The following MBOAT7 variants were observed in gnomAD, a reference collection of about 807,000 sequenced individuals.
MBOAT7 encodes membrane-bound acylglycerophosphatidylinositol O-acyltransferase MBOAT7.
In MBOAT7, 40 loss-of-function variants were observed where a neutral mutation model predicts 47.4. That is an observed-to-expected ratio of 0.84 (90% CI 0.66 to 1.10). MBOAT7 has a LOEUF of 1.10. Among genes scored for constraint, MBOAT7 ranks in the 50% least tolerant of loss-of-function variants. MBOAT7 has a pLI of 0.00. For missense variants in MBOAT7, 680 were observed against 655.6 expected, an observed-to-expected ratio of 1.04 and a Z score of -0.41; for synonymous variants, 361 against 292.0, an observed-to-expected ratio of 1.24 and a Z score of -2.41.
chr19:54,183,388 C>T (rs2076339593), intron 5 of MBOAT7, 133 bp downstream of exon 5: 5 of 1,068,004 alleles, frequency 4.7e-6, no homozygotes. Flanking sequence ...GACCCAGACA[C>T]ATGCCCACCC....
intron 5 of MBOAT7, 124 bp from the exon 6 acceptor site, chr19:54,181,257 C>T (rs2076263511): frequency 9.9e-6 from 12 of 1,209,260 alleles, no homozygotes; most frequent in Middle Eastern, 5.4e-4. Context: ...AGAGACTGGG[C>T]GCCGGGGAGA....
chr19:54,187,630 C>G (rs1287204878), intron 3 of MBOAT7, among the ~76,000 whole-genome samples: 1 of 152,196 alleles, frequency 6.6e-6, no homozygotes, highest in Non-Finnish European at 1.5e-5. Flanking sequence ...GGTGGCCAGG[C>G]CAGCAGACAC....
At chr19:54,185,571 ATC>A (rs1440307550) in intron 4 of MBOAT7, among the ~76,000 whole-genome samples, 1 of 152,230 alleles carries the variant, frequency 6.6e-6, no homozygotes, top group Admixed American at 6.5e-5. Context: ...AACGGCCTGT[ATC>A]AAGCCACCAC....
rs915601962 is a variant in MBOAT7, at chr19:54,183,256, C to T, written c.493+265G>A. Reference sequence around the variant, plus strand: ...AACATCAGGTTGACATAGATCTTTACCTCCTTTATCTCTTCTCTTTGCTCC... The same window carrying T: ...AACATCAGGTTGACATAGATCTTTATCTCCTTTATCTCTTCTCTTTGCTCC... On this transcript the variant is annotated intron_variant, in intron 5 of 7. Transcript: ENST00000245615. Among the ~76,000 whole-genome samples, 10 of 152,308 alleles carry T rather than the reference C, an allele frequency of 6.6e-5. No homozygotes were observed. In the South Asian group the frequency reaches 1.0e-3, roughly 16 times the overall value.
intron 4 of MBOAT7, among the ~76,000 whole-genome samples, chr19:54,185,151 A>C (rs1322749987): frequency 6.6e-6 from 1 of 151,358 alleles, no homozygotes; most frequent in East Asian, 2.0e-4. Flanking sequence ...CAGAGGTTGC[A>C]GTGAGATCAC....
chr19:54,178,532 G>A lies in MBOAT7; in HGVS notation c.1031+233C>T, dbSNP rs2076172643. ...CCACAGGACTCAGTACATTGCTTCT[G>A]CTGAGTGAGGCTGACTTTACAGAAG... On this transcript the variant is annotated intron_variant, in intron 7 of 7. Transcript: ENST00000245615. The A allele has an allele frequency of 2.1e-6, 3 of 1,421,020 alleles. No homozygotes were observed. The African/African-American group carries it at 4.3e-5, about 20-fold the overall frequency. 88.0% of individuals were successfully genotyped at this position (1,421,020 alleles called of 1,614,324 possible). A position where few individuals can be genotyped will look rare whatever the true frequency, so the allele number is the denominator to read the frequency against.
At chr19:54,186,870 G>A (rs1206206437) in intron 4 of MBOAT7, 5 of 442,730 alleles carry the variant, frequency 1.1e-5, no homozygotes, top group Non-Finnish European at 2.0e-5. Context: ...TTCAAGGACA[G>A]CATGTTGGTA....
chr19:54,182,737 G>A (rs982657524), intron 5 of MBOAT7, among the ~76,000 whole-genome samples: 38 of 152,176 alleles, frequency 2.5e-4, no homozygotes, highest in African/African-American at 8.2e-4. Flanking sequence ...GTCTTGCTCT[G>A]TTGCCCAGGA....
In MBOAT7 at chr19:54,183,578, C is replaced by G. The variant is rs2076346353; in HGVS notation, c.436G>C (p.Val146Leu). 6.2e-7 allele frequency: 1 copy of G among 1,608,162 alleles called. No homozygotes were observed. The highest frequency in any genetic ancestry group is 8.5e-7 in the Non-Finnish European group (1 of 1,177,610). Residue 146 changes from valine to leucine, a missense_variant, in exon 5 of 8, where the codon GTG becomes CTG. Coordinates refer to ENST00000245615, the MANE Select transcript of MBOAT7 (RefSeq NM_024298.5). ...KGPTLGLLPD[V>L]PSLMETLSYS... is the part of the protein sequence containing the mutation. ...CTGAGTGTCTCCATCAGGGAGGGCA[C>G]GTCGGGCAGCAGCCCCAGGGTGGGC...
intron 6 of MBOAT7, 103 bp from the exon 7 acceptor site, chr19:54,179,044 T>C (rs1600645118): frequency 6.8e-7 from 1 of 1,466,662 alleles, no homozygotes; most frequent in East Asian, 2.4e-5. Context: ...GAAGGGATCC[T>C]GGCCAGGCAA....
At chr19:54,178,476 G>C (rs940918398) in intron 7 of MBOAT7, 1 of 1,331,082 alleles carries the variant, frequency 7.5e-7, no homozygotes, top group South Asian at 2.2e-5. Context: ...AACCTGGACG[G>C]CCAAGATTCC....
chr19:54,178,713 G>C (rs372106052), intron 7 of MBOAT7, 52 bp downstream of exon 7: 1 of 1,595,164 alleles, frequency 6.3e-7, no homozygotes, highest in African/African-American at 1.3e-5. Flanking sequence ...CCTGGGGCCT[G>C]CTGGGAGATG....
In MBOAT7 at chr19:54,174,386, G is replaced by A. The variant is rs371465215; in HGVS notation, c.1077C>T (p.His359=). ...TCAGGAAGCTCAGGTAGTAGCCCGG[G>A]TGGAGGCCGTGCCAGTAGGCGCTCA... is the stretch of plus-strand genomic sequence containing the variant. The part of the protein sequence containing the change: ...MLLSAYWHGL[H]PGYYLSFLTI... The change falls in exon 8 of 8, where the codon CAC becomes CAT. Residue 359 remains histidine (H), a synonymous_variant. Transcript: ENST00000245615. 31 of 1,604,188 alleles carry A rather than the reference G, an allele frequency of 1.9e-5. No homozygotes were observed. The highest frequency in any genetic ancestry group is 2.6e-5 in the Non-Finnish European group (30 of 1,175,224).
At chr19:54,178,663 C>G in intron 7 of MBOAT7, 102 bp downstream of exon 7, 2 of 1,501,418 alleles carry the variant, frequency 1.3e-6, no homozygotes, top group Non-Finnish European at 1.8e-6. Flanking sequence ...TCCCATGAGC[C>G]TCCGGGGGCA....
rs1385505248 is a variant in MBOAT7, at chr19:54,174,210, G to A, written c.1253C>T (p.Ser418Phe). The change falls in exon 8 of 8, where the codon TCC becomes TTC. Residue 418 changes from serine to phenylalanine, a missense_variant. Transcript: ENST00000245615. ...CCAGTACCGAAGGGTGTCGGCCAAG[G>A]AGAGCAGCACGAAGCCCATGCACAT... is the stretch of plus-strand genomic sequence containing the variant. ...DYMCMGFVLL[S>F]LADTLRYWAS... 1.1e-5 allele frequency: 17 copies of A among 1,599,084 alleles called. No homozygotes were observed. The highest frequency in any genetic ancestry group is 1.5e-5 in the Non-Finnish European group (17 of 1,170,826).
Position 54,173,487 on chromosome 19 carries a change from G to A in MBOAT7, c.*557C>T, listed in dbSNP as rs372699871. 7 of 198,136 alleles carry A rather than the reference G, an allele frequency of 3.5e-5. No individual in the cohort carries two copies. Among genetic ancestry groups the A allele is most frequent in the Non-Finnish European group, 5.2e-5 (5 of 96,988 alleles). 12.3% of individuals were successfully genotyped at this position (198,136 alleles called of 1,614,324 possible). A position where few individuals can be genotyped will look rare whatever the true frequency, so the allele number is the denominator to read the frequency against. Reference sequence around the variant, plus strand: ...ATAGGCCAAGCGATGAGAAGAGGGCGCCAGGAGTGCTGGGGTCCCGAGGTG... The same window carrying A: ...ATAGGCCAAGCGATGAGAAGAGGGCACCAGGAGTGCTGGGGTCCCGAGGTG... On this transcript the variant is annotated 3_prime_UTR_variant, in exon 8 of 8. Transcript: ENST00000245615.
intron 4 of MBOAT7, 134 bp downstream of exon 4, chr19:54,187,027 G>A: frequency 9.0e-7 from 1 of 1,105,702 alleles, no homozygotes; most frequent in Non-Finnish European, 1.3e-6. Flanking sequence ...GCCCAGGGCA[G>A]CAAGTGAGGT....
At chr19:54,178,987 C>CA in intron 6 of MBOAT7, 46 bp from the exon 7 acceptor site, 1 of 1,599,850 alleles carries the variant, frequency 6.3e-7, no homozygotes, top group Non-Finnish European at 8.5e-7. Flanking sequence ...GCAGCTCAGC[C>CA]AGGCCCCCTC....
intron 7 of MBOAT7, 197 bp downstream of exon 7, chr19:54,178,556 AGTAGCAACTGAG>A: frequency 7.0e-7 from 1 of 1,425,282 alleles, no homozygotes; most frequent in Non-Finnish European, 9.1e-7. Context: ...ACTTTACAGA[AGTAGCAACTGAG>A]GCCCCGAGAG....
Sources: allele counts gnomAD v4.1 joint callset (sites outside exome capture counted in the v4.1 genomes callset), GRCh38; gene constraint gnomAD v4.1.1; transcripts MANE v1.5; gene names NCBI Gene and HGNC (gene_info 2026-07-23, HGNC 2026-07-21).